SEMA5A: variants seen among roughly 807,000 people sequenced by gnomAD.
The protein encoded by SEMA5A is semaphorin 5A.
In SEMA5A, 55 loss-of-function variants were observed where a neutral mutation model predicts 135.5. The observed-to-expected ratio is 0.41, with a 90% CI of 0.33 to 0.51. SEMA5A has a LOEUF of 0.51. Ranked by LOEUF, SEMA5A falls within the 20% of genes least tolerant of loss-of-function variation. SEMA5A has a pLI of 0.37. For synonymous variants in SEMA5A, 580 were observed against 546.5 expected, an observed-to-expected ratio of 1.06 and a Z score of -0.85; for missense variants, 1,290 against 1,419.9, an observed-to-expected ratio of 0.91 and a Z score of 1.47.
chr5:9,291,601 G>A (rs1028515540), intron 5 of SEMA5A, among the ~76,000 whole-genome samples: 28 of 118,634 alleles, frequency 2.4e-4, no homozygotes, highest in Non-Finnish European at 5.2e-4. Context: ...GAGAGAGAGA[G>A]AGAAAGAGAG....
At chr5:9,229,955 G>A (rs569997648) in intron 6 of SEMA5A, among the ~76,000 whole-genome samples, 51 of 152,158 alleles carry the variant, frequency 3.4e-4, no homozygotes, top group African/African-American at 1.2e-3. Flanking sequence ...AGAACAAAGT[G>A]CAAATAAGAC....
chr5:9,121,702 C>CA (rs150258652), intron 14 of SEMA5A, among the ~76,000 whole-genome samples: 44 of 147,254 alleles, frequency 3.0e-4, no homozygotes, highest in East Asian at 4.3e-4. Context: ...CAAAACAAAA[C>CA]AAAAAAAAAC....
At chr5:9,296,902 CA>C (rs34923583) in intron 5 of SEMA5A, among the ~76,000 whole-genome samples, 9,281 of 134,306 alleles carry the variant, frequency 0.069, 353 homozygotes, top group African/African-American at 0.14. Flanking sequence ...ACTGTGATCT[CA>C]AAAAAAAAAA....
rs13361995 is a variant in SEMA5A, at chr5:9,078,570, A to G, written c.2074-11924T>C. Among the ~76,000 whole-genome samples, 335 of 148,220 alleles carry G rather than the reference A, an allele frequency of 2.3e-3. 4 individuals carry two copies. Among genetic ancestry groups the G allele is most frequent in the African/African-American group, 8.5e-3 (322 of 38,094 alleles). On this transcript the variant is annotated intron_variant, in intron 16 of 22. Coordinates refer to ENST00000382496, the MANE Select transcript of SEMA5A (RefSeq NM_003966.3). ...TATTGGTCTGCCTTCTGACCAGAAA[A>G]TTTCAGCTGGGTATGTACACACACA...
At chr5:9,305,728 T>TATATATATATATGTATATATATATA (rs1287444762) in intron 5 of SEMA5A, among the ~76,000 whole-genome samples, 4 of 94,998 alleles carry the variant, frequency 4.2e-5, no homozygotes, top group African/African-American at 1.6e-4. Context: ...ATATATATAT[T>TATATATATATATGTATATATATATA]TACACGCACA....
chr5:9,409,489 C>G (rs1404956445), intron 2 of SEMA5A, among the ~76,000 whole-genome samples: 4 of 152,192 alleles, frequency 2.6e-5, no homozygotes, highest in African/African-American at 4.8e-5. Flanking sequence ...CCACCTCTCT[C>G]TGTACATCCA....
intron 16 of SEMA5A, among the ~76,000 whole-genome samples, chr5:9,095,338 T>C (rs547077225): frequency 6.6e-6 from 1 of 152,086 alleles, no homozygotes; most frequent in Non-Finnish European, 1.5e-5. Context: ...ATGGCACGTG[T>C]ATACCTATGT....
intron 16 of SEMA5A, among the ~76,000 whole-genome samples, chr5:9,085,153 G>A (rs138076282): frequency 2.5e-4 from 38 of 152,264 alleles, no homozygotes; most frequent in African/African-American, 8.7e-4. Flanking sequence ...GTTTTATAAG[G>A]GAGGCAGAAC....
chr5:9,310,498 G>A (rs1257646437), intron 5 of SEMA5A, among the ~76,000 whole-genome samples: 1 of 151,854 alleles, frequency 6.6e-6, no homozygotes, highest in Non-Finnish European at 1.5e-5. Flanking sequence ...GAGCTGTGGG[G>A]GAGACCAGTC....
chr5:9,358,556 C>A (rs1754552963), intron 3 of SEMA5A, among the ~76,000 whole-genome samples: 1 of 152,222 alleles, frequency 6.6e-6, no homozygotes, highest in Non-Finnish European at 1.5e-5. Context: ...CATCTTTCCA[C>A]TAAATGGCAG....
At chr5:9,354,363 C>A (rs1399775102) in intron 3 of SEMA5A, among the ~76,000 whole-genome samples, 1 of 152,182 alleles carries the variant, frequency 6.6e-6, no homozygotes, top group East Asian at 1.9e-4. Context: ...GTCACAGTCT[C>A]ATTTCTAATC....
chr5:9,383,446 A>G (rs1455695059), intron 2 of SEMA5A, among the ~76,000 whole-genome samples: 1 of 152,196 alleles, frequency 6.6e-6, no homozygotes, highest in Non-Finnish European at 1.5e-5. Flanking sequence ...GGGAAGGATG[A>G]TGAAGTGGCA....
intron 5 of SEMA5A, among the ~76,000 whole-genome samples, chr5:9,264,589 G>A (rs932643939): frequency 2.1e-4 from 32 of 152,178 alleles, no homozygotes; most frequent in African/African-American, 7.2e-4. Flanking sequence ...TCTCAGCTTC[G>A]GGGTTCCAGG....
Position 9,467,306 on chromosome 5 carries a change from G to A in SEMA5A, c.-174-29454C>T, listed in dbSNP as rs1759298307. 2.0e-5 allele frequency among the ~76,000 whole-genome samples: 3 copies of A among 152,000 alleles called. 1 individual carries two copies. The highest frequency in any genetic ancestry group is 7.2e-5 in the African/African-American group (3 of 41,394). On this transcript the variant is annotated intron_variant, in intron 1 of 22. Coordinates refer to ENST00000382496, the MANE Select transcript of SEMA5A (RefSeq NM_003966.3). The stretch of plus-strand genomic sequence containing the variant: ...TTTTGTATTTTTAGTAGGGAACGGG[G>A]TTTCACCATCTTGGCCAGGCTTGTC...
At chr5:9,390,105 G>A (rs390322) in intron 2 of SEMA5A, among the ~76,000 whole-genome samples, 59,010 of 152,056 alleles carry the variant, frequency 0.39, 12,049 homozygotes, top group East Asian at 0.52. Context: ...TCTGCCATTC[G>A]TTGTCACAGA....
intron 5 of SEMA5A, among the ~76,000 whole-genome samples, chr5:9,292,689 T>C (rs1339038102): frequency 6.6e-6 from 1 of 152,132 alleles, no homozygotes; most frequent in Non-Finnish European, 1.5e-5. Context: ...CACACTCAAG[T>C]CCATACAAAG....
intron 16 of SEMA5A, among the ~76,000 whole-genome samples, chr5:9,102,795 T>C (rs2150144918): frequency 6.6e-6 from 1 of 152,336 alleles, no homozygotes; most frequent in Non-Finnish European, 1.5e-5. Context: ...ACTCTAATTC[T>C]GAATCAGAGC....
At chr5:9,136,443 G>A (rs565248736) in intron 13 of SEMA5A, 61 bp downstream of exon 13, 13 of 1,379,384 alleles carry the variant, frequency 9.4e-6, no homozygotes, top group African/African-American at 7.1e-5. Context: ...ACTGAGGATC[G>A]CCAGGGGAGC....
At chr5:9,169,943 C>T (rs1357032584) in intron 11 of SEMA5A, among the ~76,000 whole-genome samples, 3 of 152,168 alleles carry the variant, frequency 2.0e-5, no homozygotes, top group Non-Finnish European at 4.4e-5. Flanking sequence ...TATCAACTTC[C>T]AAAGGTTTTC....
Sources: gnomAD v4.1 joint callset for allele counts (sites outside exome capture counted in the v4.1 genomes callset) on GRCh38, gnomAD v4.1.1 for gene constraint, MANE v1.5 for transcripts, NCBI Gene and HGNC (gene_info 2026-07-23, HGNC 2026-07-21) for gene names.